Variants in NAV1 observed in about 807,000 individuals in gnomAD.
NAV1 encodes neuron navigator 1.
In NAV1, 18 loss-of-function variants were observed where a neutral mutation model predicts 175.2. That is an observed-to-expected ratio of 0.10 (90% CI 0.07 to 0.15). NAV1 has a LOEUF of 0.15. NAV1 is among the 10% of genes least tolerant of loss of function. NAV1 has a pLI of 1.00. For missense variants in NAV1, 1,731 were observed against 2,436.6 expected, an observed-to-expected ratio of 0.71 and a Z score of 6.10; for synonymous variants, 897 against 978.7, an observed-to-expected ratio of 0.92 and a Z score of 1.56.
chr1:201,754,311 A>C (rs1444829506), intron 3 of NAV1, among the ~76,000 whole-genome samples: 1 of 152,232 alleles, frequency 6.6e-6, no homozygotes, highest in South Asian at 2.1e-4. Context: ...ATGAAAGACC[A>C]AAGTGTAAAA....
chr1:201,710,161 TAAAA>T (rs33912942), intron 1 of NAV1, among the ~76,000 whole-genome samples: 1 of 146,596 alleles, frequency 6.8e-6, no homozygotes, highest in African/African-American at 2.5e-5. Context: ...CATTTTTCCT[TAAAA>T]AAAAAAAAAA....
At chr1:201,806,002 T>TTTTG in intron 17 of NAV1, among the ~76,000 whole-genome samples, 1 of 151,366 alleles carries the variant, frequency 6.6e-6, no homozygotes, top group Non-Finnish European at 1.5e-5. Context: ...TTTTTTTTTT[T>TTTTG]GAGGTAGAGT....
At chr1:201,684,238 G>GT (rs1670581285) in intron 1 of NAV1, among the ~76,000 whole-genome samples, 1 of 152,092 alleles carries the variant, frequency 6.6e-6, no homozygotes. Flanking sequence ...ATGGGAGGAG[G>GT]TTTAGAATCT....
exon 1 of NAV1, chr1:201,648,722 C>T: frequency 2.1e-6 from 3 of 1,415,572 alleles, no homozygotes; most frequent in Non-Finnish European, 2.8e-6. Flanking sequence ...TGAGCAGCGG[C>T]GGCGGCGACG....
intron 1 of NAV1, among the ~76,000 whole-genome samples, chr1:201,671,054 G>T (rs773786992): frequency 2.0e-5 from 3 of 152,162 alleles, no homozygotes; most frequent in Non-Finnish European, 4.4e-5. Context: ...TGTGATGCTG[G>T]TCATTTCTGC....
Position 201,803,575 on chromosome 1 carries a change from AC to A in NAV1, c.3518-17del, listed in dbSNP as rs1376713289. The stretch of plus-strand genomic sequence containing the variant: ...TCTAAATCTGTTCTATGTTTTTCCC[AC>A]TTGTACTTGGCCCTAGAACTTCGGA... On this transcript the variant is annotated splice_polypyrimidine_tract_variant and intron_variant, in intron 15 of 29. Transcript: ENST00000367296. The A allele has an allele frequency of 6.2e-7, 1 of 1,611,058 alleles. No homozygotes were observed. Among genetic ancestry groups the A allele is most frequent in the African/African-American group, 1.3e-5 (1 of 74,702 alleles).
chr1:201,540,985 A>G (rs1034962349), intron 1 of NAV1, among the ~76,000 whole-genome samples: 3 of 152,116 alleles, frequency 2.0e-5, no homozygotes, highest in African/African-American at 4.8e-5. Context: ...GTGAAAGAGA[A>G]CACCAGGTGA....
chr1:201,607,956 A>G (rs753262998), intron 2 of NAV1, among the ~76,000 whole-genome samples: 3 of 151,586 alleles, frequency 2.0e-5, no homozygotes, highest in Non-Finnish European at 2.9e-5. Flanking sequence ...AAACCTACAA[A>G]TGCTAATAAT....
At chr1:201,562,447 G>C (rs1246121799) in intron 1 of NAV1, among the ~76,000 whole-genome samples, 2 of 152,170 alleles carry the variant, frequency 1.3e-5, no homozygotes, top group African/African-American at 2.4e-5. Flanking sequence ...GGTCTGGAAG[G>C]CTTCAGATTC....
At chr1:201,618,605 C>T (rs116810584), upstream of NAV1, among the ~76,000 whole-genome samples, 193 of 152,150 alleles carry the variant, frequency 1.3e-3, 1 homozygote, top group African/African-American at 4.0e-3. Context: ...GATATGCTCT[C>T]GGCGGGTGTG....
intron 1 of NAV1, among the ~76,000 whole-genome samples, chr1:201,563,143 C>T (rs537336826): frequency 2.6e-5 from 4 of 152,244 alleles, no homozygotes; most frequent in East Asian, 3.9e-4. Flanking sequence ...GTGACCGGAT[C>T]GTCAGAGGGT....
chr1:201,621,332 C>CT (rs11422175), upstream of NAV1, among the ~76,000 whole-genome samples: 14,234 of 118,846 alleles, frequency 0.12, 1,309 homozygotes, highest in East Asian at 0.4. Flanking sequence ...TCTTTTCTTT[C>CT]TTTTTTTTTT....
Position 201,694,767 on chromosome 1 carries a change from G to A in NAV1, c.758-18050G>A, listed in dbSNP as rs1671118391. Among the ~76,000 whole-genome samples, 2 of 152,168 alleles carry A rather than the reference G, an allele frequency of 1.3e-5. No homozygotes were observed. Among genetic ancestry groups the A allele is most frequent in the South Asian group, 4.1e-4 (2 of 4,834 alleles). On this transcript the variant is annotated intron_variant, in intron 1 of 29. Transcript: ENST00000367296. The surrounding 1 kb of genome is among the most constrained non-coding windows in gnomAD (Gnocchi z 4.2). ...AGTCTCCAGAGTGACGCAGTGGGAC[G>A]AGCCCTGGAGCTGGAGACAGAGAAG...
intron 1 of NAV1, among the ~76,000 whole-genome samples, chr1:201,693,692 G>T (rs1671057266): frequency 6.6e-6 from 1 of 152,184 alleles, no homozygotes; most frequent in South Asian, 2.1e-4. Flanking sequence ...GCCCCAGCAG[G>T]GACGGTCTTT....
intron 1 of NAV1, among the ~76,000 whole-genome samples, chr1:201,555,116 G>A (rs1665975075): frequency 6.6e-6 from 1 of 152,138 alleles, no homozygotes; most frequent in Non-Finnish European, 1.5e-5. Context: ...CTCTACTCCA[G>A]TATGACCTCA....
chr1:201,628,439 T>C (rs779870322), intron 1 of NAV1, among the ~76,000 whole-genome samples: 6 of 152,166 alleles, frequency 3.9e-5, no homozygotes, highest in Non-Finnish European at 7.4e-5. Flanking sequence ...AGAAGAGATC[T>C]ACTCCAGGTT....
At chr1:201,729,889 G>C (rs1571911531) in intron 3 of NAV1, among the ~76,000 whole-genome samples, 2 of 152,240 alleles carry the variant, frequency 1.3e-5, no homozygotes, top group South Asian at 4.1e-4. Context: ...CTGGGCGACA[G>C]AGCAAAACTG....
intron 22 of NAV1, 69 bp from the exon 27 acceptor site, chr1:201,809,877 A>G (rs1678581120): frequency 5.6e-6 from 8 of 1,417,978 alleles, no homozygotes; most frequent in African/African-American, 1.4e-5. Context: ...TCTGATAGAC[A>G]TTCTTTGTTG....
chr1:201,622,879 C>T, upstream of NAV1: 2 of 986,084 alleles, frequency 2.0e-6, no homozygotes, highest in Non-Finnish European at 2.4e-6. Flanking sequence ...TCCAGCCTTG[C>T]AGACCATGAA....
Sources: gnomAD v4.1 joint callset for allele counts (sites outside exome capture counted in the v4.1 genomes callset) on GRCh38, gnomAD v4.1.1 for gene constraint, Gnocchi (gnomAD v3.1) non-coding constraint, MANE v1.5 for transcripts, NCBI Gene and HGNC (gene_info 2026-07-23, HGNC 2026-07-21) for gene names.